The following SUSD6 variants were observed in gnomAD, a reference collection of about 807,000 sequenced individuals.
SUSD6 encodes sushi domain-containing protein 6.
Under a neutral mutation model 28.4 loss-of-function variants are expected in SUSD6, and 16 were observed. The observed-to-expected ratio is 0.56, with a 90% CI of 0.38 to 0.86. The LOEUF (loss-of-function observed/expected upper bound fraction) is 0.86, where lower values mean the gene tolerates loss of function less well. Ranked by LOEUF, SUSD6 falls within the 40% of genes least tolerant of loss-of-function variation. The probability of loss-of-function intolerance (pLI) is 0.00; values close to 1 mark genes in which losing one functional copy is unlikely to be tolerated. For missense variants in SUSD6, 341 were observed against 384.2 expected (o/e 0.89, Z 0.94); for synonymous variants, 147 against 159.6 (o/e 0.92, Z 0.59).
intron 1 of SUSD6, among the ~76,000 whole-genome samples, chr14:69,643,145 A>C (rs1050240536): frequency 2.6e-5 from 4 of 152,140 alleles, no homozygotes; most frequent in African/African-American, 9.7e-5. Flanking sequence ...CTGTTGTCCA[A>C]TGTCTGAAAA....
intron 2 of SUSD6, among the ~76,000 whole-genome samples, chr14:69,661,894 G>A (rs1885667491): frequency 6.6e-6 from 1 of 152,080 alleles, no homozygotes; most frequent in Non-Finnish European, 1.5e-5. Context: ...TGACCTCCCA[G>A]GCTGGAGCAG....
At chr14:69,710,872 C>G in intron 5 of SUSD6, 82 bp from the exon 6 acceptor site, 1 of 1,303,238 alleles carries the variant, frequency 7.7e-7, no homozygotes, top group Non-Finnish European at 1.1e-6. Context: ...TGTAGGATAG[C>G]CCCTAAGTTG....
intron 2 of SUSD6, among the ~76,000 whole-genome samples, chr14:69,683,000 T>C (rs888220999): frequency 2.7e-5 from 4 of 147,600 alleles, no homozygotes; most frequent in South Asian, 2.2e-4. Flanking sequence ...TTTCCTCTTA[T>C]GGGAAGTTGC....
At chr14:69,657,661 T>A (rs1885602900) in intron 1 of SUSD6, among the ~76,000 whole-genome samples, 2 of 152,106 alleles carry the variant, frequency 1.3e-5, no homozygotes, top group Admixed American at 1.3e-4. Context: ...CAAATGAAAT[T>A]AAATAAGTTA....
intron 1 of SUSD6, among the ~76,000 whole-genome samples, chr14:69,636,555 C>T (rs1885268777): frequency 6.6e-6 from 1 of 152,244 alleles, no homozygotes; most frequent in South Asian, 2.1e-4. Flanking sequence ...CTCTTCATTT[C>T]CTGGGGGAAC....
At chr14:69,687,875 G>T (rs957124032) in intron 2 of SUSD6, among the ~76,000 whole-genome samples, 132 of 151,608 alleles carry the variant, frequency 8.7e-4, no homozygotes, top group Non-Finnish European at 9.3e-4. Flanking sequence ...TTTTCTTTTT[G>T]TTTTTTTTCT....
intron 2 of SUSD6, among the ~76,000 whole-genome samples, chr14:69,681,526 G>A (rs1467370101): frequency 6.6e-6 from 1 of 152,184 alleles, no homozygotes; most frequent in African/African-American, 2.4e-5. Flanking sequence ...CAGTAGGAGG[G>A]TTGTGGTGGG....
chr14:69,708,995 C>A lies in SUSD6; in HGVS notation c.777C>A (p.Ser259=), dbSNP rs1255768691. 1 of 1,614,178 alleles carries A rather than the reference C, an allele frequency of 6.2e-7. No homozygotes were observed. The change falls in exon 5 of 6, where the codon TCC becomes TCA. Residue 259 remains serine, a synonymous_variant. Transcript: ENST00000342745. ...TGGTGCATCAGGCAACCACCTCTTC[C>A]TGGGTGGCCGGCTCAGGGAACCGCC... is the stretch of plus-strand genomic sequence containing the variant. ...TVMVHQATTS[S]WVAGSGNRQL...
intron 2 of SUSD6, among the ~76,000 whole-genome samples, chr14:69,698,019 A>G (rs1000774778): frequency 2.6e-5 from 4 of 152,200 alleles, no homozygotes; most frequent in Non-Finnish European, 5.9e-5. Context: ...GAGTAAAGTG[A>G]TAGCAAGTTG....
chr14:69,704,568 G>A (rs756496580), intron 3 of SUSD6, 36 bp from the exon 4 acceptor site: 17 of 1,594,918 alleles, frequency 1.1e-5, no homozygotes, highest in Non-Finnish European at 1.4e-5. Context: ...GTGTATTTGG[G>A]TACAAAACCC....
intron 1 of SUSD6, among the ~76,000 whole-genome samples, chr14:69,639,266 T>C (rs1301956827): frequency 8.2e-6 from 1 of 122,490 alleles, no homozygotes; most frequent in African/African-American, 3.1e-5. Flanking sequence ...AGGCGGAGCT[T>C]GCAGTGAGCC....
chr14:69,622,302 C>T (rs1885052545), intron 1 of SUSD6, among the ~76,000 whole-genome samples: 1 of 152,024 alleles, frequency 6.6e-6, no homozygotes, highest in Non-Finnish European at 1.5e-5. Context: ...ATAGCTGGGA[C>T]TACAGGCATG....
At chr14:69,697,938 A>T (rs1163457878) in intron 2 of SUSD6, among the ~76,000 whole-genome samples, 1 of 152,264 alleles carries the variant, frequency 6.6e-6, no homozygotes, top group African/African-American at 2.4e-5. Context: ...GTTACCGGAA[A>T]GAGGTCCAGA....
At chr14:69,685,843 A>G (rs1886065138) in intron 2 of SUSD6, among the ~76,000 whole-genome samples, 1 of 152,186 alleles carries the variant, frequency 6.6e-6, no homozygotes, top group South Asian at 2.1e-4. Flanking sequence ...GTAAATTGTA[A>G]ATTGACACCC....
At chr14:69,672,382 A>AAGTC (rs1462993673) in intron 2 of SUSD6, among the ~76,000 whole-genome samples, 1 of 152,206 alleles carries the variant, frequency 6.6e-6, no homozygotes, top group African/African-American at 2.4e-5. Flanking sequence ...AATGACCTAG[A>AAGTC]AGTCAGTCAG....
chr14:69,614,404 A>T (rs942759731), intron 1 of SUSD6, among the ~76,000 whole-genome samples: 1 of 152,176 alleles, frequency 6.6e-6, no homozygotes, highest in Admixed American at 6.5e-5. Flanking sequence ...ATCTCTCAGT[A>T]GGGGATGTCC....
At chr14:69,621,819 G>T (rs1490662021) in intron 1 of SUSD6, among the ~76,000 whole-genome samples, 1 of 152,144 alleles carries the variant, frequency 6.6e-6, no homozygotes, top group Non-Finnish European at 1.5e-5. Flanking sequence ...TCCTTTGAAG[G>T]TCTGTCCATG....
chr14:69,626,696 T>C (rs1885119735), intron 1 of SUSD6, among the ~76,000 whole-genome samples: 1 of 152,120 alleles, frequency 6.6e-6, no homozygotes, highest in Non-Finnish European at 1.5e-5. Flanking sequence ...GACTTTTTTT[T>C]CGAGATAGGG....
At chr14:69,624,053 TCA>T (rs1283680868) in intron 1 of SUSD6, among the ~76,000 whole-genome samples, 2 of 152,348 alleles carry the variant, frequency 1.3e-5, no homozygotes, top group African/African-American at 4.8e-5. Flanking sequence ...CTCCATTCAC[TCA>T]CTTACCCAGG....
Sources: allele counts gnomAD v4.1 joint callset (sites outside exome capture counted in the v4.1 genomes callset), GRCh38; gene constraint gnomAD v4.1.1; transcripts MANE v1.5; gene names NCBI Gene and HGNC (gene_info 2026-07-23, HGNC 2026-07-21).